Variants in ACTR2 observed in about 807,000 individuals in gnomAD.
ACTR2 encodes the protein actin related protein 2, also known as actin-related protein 2.
A neutral mutation model predicts 50.2 loss-of-function variants in ACTR2; 5 were observed. That is an observed-to-expected ratio of 0.10 (90% CI 0.05 to 0.21). The LOEUF (loss-of-function observed/expected upper bound fraction) is 0.21, where lower values mean the gene tolerates loss of function less well. ACTR2 is among the 10% of genes least tolerant of loss of function. ACTR2 has a pLI of 1.00. For missense variants in ACTR2, 180 were observed against 480.6 expected (o/e 0.37, Z 5.85); for synonymous variants, 140 against 162.9 (o/e 0.86, Z 1.07).
chr2:65,247,353 C>T (rs1167356996), intron 3 of ACTR2, among the ~76,000 whole-genome samples: 1 of 152,130 alleles, frequency 6.6e-6, no homozygotes, highest in African/African-American at 2.4e-5. Flanking sequence ...CTTTGGGAGG[C>T]GGAGGCGGGC....
intron 1 of ACTR2, among the ~76,000 whole-genome samples, chr2:65,237,924 G>A (rs1159270639): frequency 1.3e-5 from 2 of 152,128 alleles, no homozygotes; most frequent in Non-Finnish European, 2.9e-5. Context: ...GGCGGTGGAG[G>A]CCAAGCTTGC....
chr2:65,230,403 A>ATTTTTTTT (rs11299935), intron 1 of ACTR2, among the ~76,000 whole-genome samples: 2 of 78,174 alleles, frequency 2.6e-5, no homozygotes, highest in Admixed American at 1.6e-4. Flanking sequence ...ACCGAAGCTG[A>ATTTTTTTT]TTTTTTTTTT....
At chr2:65,253,704 TA>T in intron 4 of ACTR2, 23 bp from the exon 5 acceptor site, 1 of 1,603,040 alleles carries the variant, frequency 6.2e-7, no homozygotes, top group African/African-American at 1.3e-5. Context: ...ACTTTTTATT[TA>T]AATCCCCCTG....
At chr2:65,252,539 G>A (rs528541294) in intron 4 of ACTR2, among the ~76,000 whole-genome samples, 1 of 152,044 alleles carries the variant, frequency 6.6e-6, no homozygotes, top group Non-Finnish European at 1.5e-5. Flanking sequence ...CAGCTACTTG[G>A]GAGGCTGAGG....
intron 8 of ACTR2, among the ~76,000 whole-genome samples, chr2:65,266,054 T>C (rs1672367243): frequency 6.6e-6 from 1 of 152,264 alleles, no homozygotes; most frequent in South Asian, 2.1e-4. Context: ...GTTTTACATA[T>C]AATTTATAAT....
At chr2:65,241,906 A>T (rs1671846391) in intron 2 of ACTR2, 6 of 934,884 alleles carry the variant, frequency 6.4e-6, no homozygotes, top group Non-Finnish European at 9.6e-6. Flanking sequence ...ACTCCATTAA[A>T]TATAGTAGTA....
At position 65,251,549 on chromosome 2, in the gene ACTR2, T is replaced by C. The variant is rs1166130407; in HGVS notation, c.448+450T>C. ...GCTAATTTTGTATTTTTAGTAGAGA[T>C]GGGGTTTCTCCATATTGGTCAGGCT... On this transcript the variant is annotated intron_variant, in intron 4 of 8. Coordinates refer to ENST00000260641, the MANE Select transcript of ACTR2 (RefSeq NM_005722.4). 4.6e-5 allele frequency among the ~76,000 whole-genome samples: 7 copies of C among 152,184 alleles called. No homozygotes were observed. In the East Asian group the frequency reaches 9.7e-4, roughly 21 times the overall value.
At chr2:65,242,954 A>G (rs914556188) in intron 2 of ACTR2, among the ~76,000 whole-genome samples, 30 of 152,226 alleles carry the variant, frequency 2.0e-4, no homozygotes, top group Non-Finnish European at 1.2e-4. Context: ...AAAAGATCAT[A>G]ACATTTGTGT....
intron 2 of ACTR2, among the ~76,000 whole-genome samples, chr2:65,245,985 A>G (rs1671930042): frequency 1.0e-5 from 1 of 97,652 alleles, no homozygotes; most frequent in Non-Finnish European, 2.1e-5. Context: ...TGTAGATAGA[A>G]GTTTGTGCTA....
At chr2:65,229,021 A>G (rs1384338891) in intron 1 of ACTR2, among the ~76,000 whole-genome samples, 4 of 152,076 alleles carry the variant, frequency 2.6e-5, no homozygotes, top group Admixed American at 2.6e-4. Flanking sequence ...CGGAGGTTGC[A>G]GTGAGCCGAG....
chr2:65,232,940 A>G (rs1671667624), intron 1 of ACTR2, among the ~76,000 whole-genome samples: 1 of 152,122 alleles, frequency 6.6e-6, no homozygotes, highest in African/African-American at 2.4e-5. Context: ...TACCAATGAT[A>G]CCAAATGATA....
At chr2:65,246,995 G>A (rs1671949731) in intron 3 of ACTR2, among the ~76,000 whole-genome samples, 1 of 152,044 alleles carries the variant, frequency 6.6e-6, no homozygotes, top group South Asian at 2.1e-4. Flanking sequence ...TTTTAATTTA[G>A]TGAGTTAATT....
chr2:65,246,835 A>G (rs1671947186), intron 3 of ACTR2, 96 bp downstream of exon 3: 1 of 908,350 alleles, frequency 1.1e-6, no homozygotes, highest in African/African-American at 1.7e-5. Context: ...GAGAATAAAA[A>G]TAATTGTTTT....
In ACTR2 at chr2:65,254,076, A is replaced by G. The variant is rs147540549; in HGVS notation, c.585+212A>G. On this transcript the variant is annotated intron_variant, in intron 5 of 8. Transcript: ENST00000260641. Reference sequence around the variant, plus strand: ...TAAAAACAAGGAAAAAAGTGTACACACATGATCTCTGTATACTAATGAGAG... The same window carrying G: ...TAAAAACAAGGAAAAAAGTGTACACGCATGATCTCTGTATACTAATGAGAG... Among the ~76,000 whole-genome samples, 408 of 152,342 alleles carry G rather than the reference A, an allele frequency of 2.7e-3. 3 individuals are homozygous for G. Among genetic ancestry groups the G allele is most frequent in the Middle Eastern group, 6.8e-3 (2 of 294 alleles).
chr2:65,263,002 AC>A (rs1340609121), intron 7 of ACTR2, among the ~76,000 whole-genome samples: 16 of 149,712 alleles, frequency 1.1e-4, no homozygotes, highest in African/African-American at 2.0e-4. Context: ...TAAAAAAAAA[AC>A]ATATATATAT....
At chr2:65,240,858 G>C (rs11693777) in intron 2 of ACTR2, among the ~76,000 whole-genome samples, 1 of 152,160 alleles carries the variant, frequency 6.6e-6, no homozygotes, top group Non-Finnish European at 1.5e-5. Flanking sequence ...ATATGCATTA[G>C]GGCGTATCTC....
At chr2:65,237,198 C>T (rs1190012625) in intron 1 of ACTR2, among the ~76,000 whole-genome samples, 1 of 152,078 alleles carries the variant, frequency 6.6e-6, no homozygotes, top group Admixed American at 6.6e-5. Context: ...ATATAGCTTC[C>T]TCCTCCCACC....
At chr2:65,250,200 T>C (rs1672017326) in intron 3 of ACTR2, among the ~76,000 whole-genome samples, 1 of 150,740 alleles carries the variant, frequency 6.6e-6, no homozygotes, top group African/African-American at 2.4e-5. Context: ...CTGTCTCTAC[T>C]AAAAATACTA....
At position 65,239,887 on chromosome 2, in the gene ACTR2, A is replaced by G; in HGVS notation, c.84A>G (p.Pro28=). ...VKCGYAGSNF[P]EHIFPALVGR... ...GTGGATATGCAGGCTCTAACTTTCC[A>G]GAACACATCTTCCCAGCTTTGGTTG... is the stretch of plus-strand genomic sequence containing the variant. Residue 28 remains proline (P), a synonymous_variant, in exon 2 of 9, where the codon CCA becomes CCG. Coordinates refer to ENST00000260641, the MANE Select transcript of ACTR2 (RefSeq NM_005722.4). 3 of 1,613,290 alleles carry G rather than the reference A, an allele frequency of 1.9e-6. No homozygotes were observed. The highest frequency in any genetic ancestry group is 1.7e-5 in the Admixed American group (1 of 60,004).
Sources: gnomAD v4.1 joint callset for allele counts (sites outside exome capture counted in the v4.1 genomes callset) on GRCh38, gnomAD v4.1.1 for gene constraint, MANE v1.5 for transcripts, NCBI Gene and HGNC (gene_info 2026-07-23, HGNC 2026-07-21) for gene names.